Variants in S100A12 observed in about 807,000 individuals in gnomAD.
The protein encoded by S100A12 is S100 calcium binding protein A12, also known as protein S100-A12.
S100A12 carries 3 observed loss-of-function variants against 4.0 expected under a neutral mutation model. The ratio of observed to expected loss-of-function variants is 0.75; its 90% CI spans 0.34 to 1.94. The LOEUF is 1.94. Among genes scored for constraint, S100A12 ranks in the 30% most tolerant of loss-of-function variants. The pLI is 0.07. For missense variants in S100A12, 122 were observed against 107.0 expected, an observed-to-expected ratio of 1.14 and a Z score of -0.62; for synonymous variants, 50 against 41.4, an observed-to-expected ratio of 1.21 and a Z score of -0.79.
chr1:153,375,390 CA>C (rs1661712127), intron 1 of S100A12, among the ~76,000 whole-genome samples, 161 bp downstream of exon 1: 1 of 152,176 alleles, frequency 6.6e-6, no homozygotes, highest in Non-Finnish European at 1.5e-5. Flanking sequence ...CTACATAGCA[CA>C]ACAAGAGCTG....
intron 2 of S100A12, 63 bp downstream of exon 2, chr1:153,374,392 G>A: frequency 6.5e-6 from 10 of 1,528,472 alleles, no homozygotes; most frequent in South Asian, 2.5e-5. Flanking sequence ...CCTCTGCCAG[G>A]CCTTGCCACT....
Position 153,374,606 on chromosome 1 carries a change from T to C in S100A12, c.-14A>G, listed in dbSNP as rs1231372146. ...AAGTTTTGTCATCTTCCCAGCCTAA[T>C]GTTAACCTTCAAGGAAACAAGGGAA... On this transcript the variant is annotated 5_prime_UTR_variant, in exon 2 of 3. Transcript: ENST00000368737. 6 of 1,611,524 alleles carry C rather than the reference T, an allele frequency of 3.7e-6. No individual in the cohort carries two copies. Among genetic ancestry groups the C allele is most frequent in the African/African-American group, 2.7e-5 (2 of 74,878 alleles).
At chr1:153,374,028 G>C in intron 2 of S100A12, 61 bp from the exon 3 acceptor site, 6 of 1,523,968 alleles carry the variant, frequency 3.9e-6, no homozygotes, top group South Asian at 1.1e-5. Flanking sequence ...CCCTTTCTTA[G>C]GCCTCTTATC....
rs765617093 is a variant in S100A12, at chr1:153,373,874, C to T, written c.232G>A (p.Val78Ile). The T allele has an allele frequency of 2.7e-5, 43 of 1,613,536 alleles. No homozygotes were observed. The highest frequency in any genetic ancestry group is 3.6e-5 in the Non-Finnish European group (42 of 1,179,464). ...QVDFQEFISL[V>I]AIALKAAHYH... ...TGGGCAGCCTTCAGCGCAATGGCTA[C>T]CAGGGATATGAATTCTTGAAAGTCG... The change falls in exon 3 of 3, where the codon GTA (valine) becomes ATA (isoleucine). Residue 78 changes from valine (V) to isoleucine (I), a missense_variant. Transcript: ENST00000368737.
At chr1:153,375,395 A>G (rs1389942710) in intron 1 of S100A12, among the ~76,000 whole-genome samples, 157 bp downstream of exon 1, 1 of 152,198 alleles carries the variant, frequency 6.6e-6, no homozygotes, top group Non-Finnish European at 1.5e-5. Flanking sequence ...TAGCACAACA[A>G]GAGCTGATCT....
intron 1 of S100A12, among the ~76,000 whole-genome samples, chr1:153,374,878 T>G (rs1047804437): frequency 1.3e-5 from 2 of 152,188 alleles, no homozygotes; most frequent in African/African-American, 4.8e-5. Context: ...GTGCATAACT[T>G]GGAGGGTATT....
chr1:153,374,090 CTG>C (rs758183608), intron 2 of S100A12, 123 bp from the exon 3 acceptor site: 57 of 907,506 alleles, frequency 6.3e-5, no homozygotes, highest in Non-Finnish European at 9.3e-5. Context: ...TTAGCCAACA[CTG>C]TGTTGGAGAA....
At chr1:153,374,004 AC>A in intron 2 of S100A12, 37 bp from the exon 3 acceptor site, 5 of 1,605,902 alleles carry the variant, frequency 3.1e-6, no homozygotes, top group Non-Finnish European at 4.3e-6. Flanking sequence ...TGAGTTCAGA[AC>A]CTCCACACAA....
chr1:153,374,091 T>C (rs1206395463), intron 2 of S100A12, 124 bp from the exon 3 acceptor site: 2 of 894,970 alleles, frequency 2.2e-6, no homozygotes, highest in Non-Finnish European at 3.7e-6. Context: ...TAGCCAACAC[T>C]GTGTTGGAGA....
In S100A12 at chr1:153,373,811, G is replaced by C; in HGVS notation, c.*16C>G. The C allele has an allele frequency of 6.2e-7, 1 of 1,611,004 alleles. No individual in the cohort carries two copies. Among genetic ancestry groups the C allele is most frequent in the Non-Finnish European group, 8.5e-7 (1 of 1,177,196 alleles). ...CATTGAGGACATTGCTGGGTAAAAA[G>C]CCTTCAGAGAGCTACCTACTCTTTG... On this transcript the variant is annotated 3_prime_UTR_variant, in exon 3 of 3. Transcript: ENST00000368737.
At chr1:153,375,170 C>A (rs1421945737) in intron 1 of S100A12, among the ~76,000 whole-genome samples, 1 of 152,152 alleles carries the variant, frequency 6.6e-6, no homozygotes, top group African/African-American at 2.4e-5. Context: ...CCCCAGCCTC[C>A]CGAGTAGCTG....
Position 153,373,775 on chromosome 1 carries a change from GA to G in S100A12, c.*51del, listed in dbSNP as rs535444669. On this transcript the variant is annotated 3_prime_UTR_variant, in exon 3 of 3. Coordinates refer to ENST00000368737, the MANE Select transcript of S100A12 (RefSeq NM_005621.2). ...CAAGGCTGGGTTTTGGTGAGGGAAA[GA>G]AAAGACCCTCATTGAGGACATTGCT... The G allele has an allele frequency of 1.6e-4, 244 of 1,529,148 alleles. No homozygotes were observed. The African/African-American group carries it at 3.0e-3, about 19-fold the overall frequency. The allele number at this position is 1,529,148 out of a possible 1,614,324, so 94.7% of individuals were successfully genotyped here. A position where few individuals can be genotyped will look rare whatever the true frequency, so the allele number is the denominator to read the frequency against.
chr1:153,375,323 C>T (rs1397589607), intron 1 of S100A12, among the ~76,000 whole-genome samples: 1 of 152,186 alleles, frequency 6.6e-6, no homozygotes, highest in African/African-American at 2.4e-5. Flanking sequence ...GCTGGGATTA[C>T]AGGCGTGAGC....
In S100A12 at chr1:153,373,918, G is replaced by A. The variant is rs1661673677; in HGVS notation, c.188C>T (p.Ala63Val). 2.5e-6 allele frequency: 4 copies of A among 1,612,572 alleles called. No homozygotes were observed. The highest frequency in any genetic ancestry group is 3.4e-6 in the Non-Finnish European group (4 of 1,178,590). ...VIDEIFQGLD[A>V]NQDEQVDFQE... ...AAAGTCGACCTGTTCATCTTGATTA[G>A]CATCCAGGCCTTGGAATATTTCATC... Residue 63 changes from alanine (A) to valine (V), a missense_variant, in exon 3 of 3, where the codon GCT becomes GTT. Ala to Val is a moderately conservative substitution (Grantham distance 64, BLOSUM62 0). Transcript: ENST00000368737.
Position 153,373,748 on chromosome 1 carries a change from G to A in S100A12, c.*79C>T. On this transcript the variant is annotated 3_prime_UTR_variant, in exon 3 of 3. Coordinates refer to ENST00000368737, the MANE Select transcript of S100A12 (RefSeq NM_005621.2). ...TGTTTATTAACTCTTACTCCCCACGGGCAAGGCTGGGTTTTGGTGAGGGAA... is the reference window on the plus strand; with the variant it reads ...TGTTTATTAACTCTTACTCCCCACGAGCAAGGCTGGGTTTTGGTGAGGGAA... 1 of 1,244,002 alleles carries A rather than the reference G, an allele frequency of 8.0e-7. No individual in the cohort carries two copies. The highest frequency in any genetic ancestry group is 1.2e-6 in the Non-Finnish European group (1 of 855,078). 77.1% of individuals were successfully genotyped at this position (1,244,002 alleles called of 1,614,324 possible). A position where few individuals can be genotyped will look rare whatever the true frequency, so the allele number is the denominator to read the frequency against.
chr1:153,373,969 T>C lies in S100A12; in HGVS notation c.139-2A>G. On this transcript the variant is annotated splice_acceptor_variant, in intron 2 of 2. Transcript: ENST00000368737. LOFTEE classifies it high-confidence loss of function. ...AATGACAGCTTTATCTTTGATATTCTAGGAAAAAAGGACAACAGAGACCTT... is the reference window on the plus strand; with the variant it reads ...AATGACAGCTTTATCTTTGATATTCCAGGAAAAAAGGACAACAGAGACCTT... 1 of 1,613,698 alleles carries C rather than the reference T, an allele frequency of 6.2e-7. No individual in the cohort carries two copies. Among genetic ancestry groups the C allele is most frequent in the Non-Finnish European group, 8.5e-7 (1 of 1,179,584 alleles).
Position 153,373,836 on chromosome 1 carries a change from G to A in S100A12, c.270C>T (p.His90=), listed in dbSNP as rs1325050250. Residue 90 remains histidine (H), a synonymous_variant, in exon 3 of 3, where the codon CAC becomes CAT. Transcript: ENST00000368737. Reference sequence around the variant, plus strand: ...GCCTTCAGAGAGCTACCTACTCTTTGTGGGTGTGGTAATGGGCAGCCTTCA... The same window carrying A: ...GCCTTCAGAGAGCTACCTACTCTTTATGGGTGTGGTAATGGGCAGCCTTCA... The part of the protein sequence containing the change: ...IALKAAHYHT[H]KE 2 of 1,613,630 alleles carry A rather than the reference G, an allele frequency of 1.2e-6. No homozygotes were observed. The highest frequency in any genetic ancestry group is 2.7e-5 in the African/African-American group (2 of 75,056).
intron 1 of S100A12, among the ~76,000 whole-genome samples, chr1:153,375,221 TA>T (rs1349794358): frequency 6.6e-6 from 1 of 152,114 alleles, no homozygotes; most frequent in Admixed American, 6.5e-5. Flanking sequence ...TAATTTTTTG[TA>T]TTTTTTTAGT....
chr1:153,374,417 G>T (rs375311056), intron 2 of S100A12, 38 bp downstream of exon 2: 5 of 1,596,602 alleles, frequency 3.1e-6, no homozygotes, highest in Non-Finnish European at 4.3e-6. Flanking sequence ...TCAGTGCAGG[G>T]TCATGGGCAA....
Sources: allele counts gnomAD v4.1 joint callset (sites outside exome capture counted in the v4.1 genomes callset), GRCh38; gene constraint gnomAD v4.1.1; transcripts MANE v1.5; gene names NCBI Gene and HGNC (gene_info 2026-07-23, HGNC 2026-07-21).